Variants in BIN1 observed in about 807,000 individuals in gnomAD.
BIN1 encodes the protein bridging integrator 1.
BIN1 carries 53 observed loss-of-function variants against 82.0 expected under a neutral mutation model. That is an observed-to-expected ratio of 0.65 (90% CI 0.52 to 0.81). BIN1 has a LOEUF of 0.81. BIN1 is among the 40% of genes least tolerant of loss of function. The pLI is 0.00. For missense variants in BIN1, 642 were observed against 784.4 expected, an observed-to-expected ratio of 0.82 and a Z score of 2.17; for synonymous variants, 302 against 328.0, an observed-to-expected ratio of 0.92 and a Z score of 0.86.
chr2:127,053,453 C>T lies in BIN1; in HGVS notation c.1240-8G>A. The T allele has an allele frequency of 6.2e-7, 1 of 1,613,850 alleles. No individual in the cohort carries two copies. The highest frequency in any genetic ancestry group is 8.5e-7 in the Non-Finnish European group (1 of 1,179,854). On this transcript the variant is annotated splice_polypyrimidine_tract_variant and splice_region_variant and intron_variant, in intron 13 of 18. Transcript: ENST00000316724. ...GAGGTCCCATGGAATTGACTGAGCG[C>T]AGCAGTGAGGGCGAGAAGGACAGTT...
chr2:127,078,469 C>T (rs1686897869), intron 1 of BIN1, among the ~76,000 whole-genome samples: 1 of 152,150 alleles, frequency 6.6e-6, no homozygotes, highest in African/African-American at 2.4e-5. Context: ...GATGGAGCAT[C>T]TTACTGGGGA....
At chr2:127,087,159 A>C (rs6709337) in intron 1 of BIN1, among the ~76,000 whole-genome samples, 90,604 of 152,056 alleles carry the variant, frequency 0.6, 27,169 homozygotes, top group African/African-American at 0.64. Flanking sequence ...CAATGCTTTG[A>C]TGGTCAAAAA....
At chr2:127,051,370 C>T (rs1307074779) in intron 15 of BIN1, 127 bp from the exon 16 acceptor site, 1 of 922,144 alleles carries the variant, frequency 1.1e-6, no homozygotes, top group Non-Finnish European at 1.7e-6. Flanking sequence ...GCAGCAGGGT[C>T]TAGAGCTGCC....
chr2:127,074,384 C>G (rs1000416263), intron 2 of BIN1, among the ~76,000 whole-genome samples: 7 of 152,208 alleles, frequency 4.6e-5, no homozygotes, highest in African/African-American at 1.7e-4. Context: ...CCAGCCCTGG[C>G]CCCTGAAAAG....
intron 12 of BIN1, chr2:127,054,778 TG>T (rs1478125776): frequency 6.6e-6 from 1 of 152,446 alleles, no homozygotes; most frequent in Non-Finnish European, 1.5e-5. Flanking sequence ...GTGACAGGCA[TG>T]GCCCCAGGGA....
Position 127,048,438 on chromosome 2 carries a change from A to G in BIN1, c.*88T>C, listed in dbSNP as rs1682444581. Reference sequence around the variant, plus strand: ...ATTTCCCTTTGCTCTTCAAAAGATGAAAAACGAAAACAAAACAAAAAAAAG... The same window carrying G: ...ATTTCCCTTTGCTCTTCAAAAGATGGAAAACGAAAACAAAACAAAAAAAAG... On this transcript the variant is annotated 3_prime_UTR_variant, in exon 19 of 19. Transcript: ENST00000316724. The G allele has an allele frequency of 2.3e-6, 3 of 1,329,292 alleles. No homozygotes were observed. The South Asian group carries it at 3.5e-5, about 16-fold the overall frequency. 82.3% of individuals were successfully genotyped at this position (1,329,292 alleles called of 1,614,324 possible).
Position 127,068,262 on chromosome 2 carries a change from T to C in BIN1, c.520-7A>G, listed in dbSNP as rs1446785868. ...TCTCAAGCAGCGAGACAGGCTGGGG[T>C]GGGGAGGTCAAGGCAAAGGAAGGTG... On this transcript the variant is annotated splice_polypyrimidine_tract_variant and splice_region_variant and intron_variant, in intron 6 of 18. Transcript: ENST00000316724. This position sits in a 1 kb window ranked among gnomAD's most constrained non-coding sequence, Gnocchi z 4.9. 1 of 1,603,850 alleles carries C rather than the reference T, an allele frequency of 6.2e-7. No individual in the cohort carries two copies. Among genetic ancestry groups the C allele is most frequent in the Non-Finnish European group, 8.5e-7 (1 of 1,177,588 alleles).
chr2:127,051,348 A>G (rs1573534298), intron 15 of BIN1, 105 bp from the exon 16 acceptor site: 5 of 1,173,008 alleles, frequency 4.3e-6, no homozygotes, highest in Non-Finnish European at 5.0e-6. Flanking sequence ...GGCCGGGGGC[A>G]TCGCCTGGCT....
At chr2:127,071,678 A>G (rs1258865888) in intron 2 of BIN1, among the ~76,000 whole-genome samples, 1 of 152,200 alleles carries the variant, frequency 6.6e-6, no homozygotes, top group African/African-American at 2.4e-5. Flanking sequence ...GACCATGCTC[A>G]GTGAGCTGCA....
intron 8 of BIN1, 62 bp downstream of exon 8, chr2:127,063,871 G>C: frequency 6.3e-7 from 1 of 1,597,290 alleles, no homozygotes; most frequent in Non-Finnish European, 8.6e-7. Flanking sequence ...ACGCAGACTG[G>C]GCACCGCAGC....
At chr2:127,077,187 CAGGAGCCATCCCGGAACA>C (rs1275526207) in intron 1 of BIN1, among the ~76,000 whole-genome samples, 1 of 152,232 alleles carries the variant, frequency 6.6e-6, no homozygotes, top group African/African-American at 2.4e-5. Flanking sequence ...CCTGAACCGG[CAGGAGCCATCCCGGAACA>C]AGGAGGGCAG....
intron 17 of BIN1, 54 bp downstream of exon 17, chr2:127,050,748 C>A: frequency 1.3e-6 from 2 of 1,565,940 alleles, no homozygotes; most frequent in Non-Finnish European, 1.8e-6. Context: ...TCAGGGTTCT[C>A]ATCTGCCCAC....
At position 127,099,670 on chromosome 2, in the gene BIN1, C is replaced by T. The variant is rs540474030; in HGVS notation, c.84+7190G>A. 4.7e-3 allele frequency among the ~76,000 whole-genome samples: 711 copies of T among 151,642 alleles called. 4 individuals carry two copies. The highest frequency in any genetic ancestry group is 6.6e-3 in the Non-Finnish European group (446 of 67,900). On this transcript the variant is annotated intron_variant, in intron 1 of 18. Transcript: ENST00000316724. Reference sequence around the variant, plus strand: ...CTGGGATTACAGGCGCATGCCACTACACCCAGCTAATTTTTGTATTTTTAG... The same window carrying T: ...CTGGGATTACAGGCGCATGCCACTATACCCAGCTAATTTTTGTATTTTTAG...
intron 15 of BIN1, among the ~76,000 whole-genome samples, chr2:127,051,747 G>A (rs1391358749): frequency 6.6e-6 from 1 of 152,206 alleles, no homozygotes; most frequent in Non-Finnish European, 1.5e-5. Flanking sequence ...GAAGGGTGTG[G>A]CACAGAATGG....
chr2:127,084,203 C>T (rs1393297329), intron 1 of BIN1, among the ~76,000 whole-genome samples: 4 of 152,184 alleles, frequency 2.6e-5, no homozygotes, highest in Admixed American at 2.0e-4. Context: ...CCCTGGCGCA[C>T]CGTATGCGCA....
chr2:127,075,680 C>T (rs182383126), intron 2 of BIN1, among the ~76,000 whole-genome samples: 32 of 151,850 alleles, frequency 2.1e-4, no homozygotes, highest in Admixed American at 2.0e-3. Context: ...ATGCTCCCAG[C>T]CCTCCCAGCT....
Position 127,068,013 on chromosome 2 carries a change from C to T in BIN1, c.612+150G>A, listed in dbSNP as rs1685364408. On this transcript the variant is annotated intron_variant, in intron 7 of 18. Coordinates refer to ENST00000316724, the MANE Select transcript of BIN1 (RefSeq NM_139343.3). This position sits in a 1 kb window ranked among gnomAD's most constrained non-coding sequence, Gnocchi z 4.9. ...GACCCCTACATTTGACTTCAGGTCT[C>T]CTCTGAAGCAGAGCTCTCCCAGCAG... is the stretch of plus-strand genomic sequence containing the variant. The T allele has an allele frequency of 6.1e-6, 5 of 821,222 alleles. No individual in the cohort carries two copies. The Admixed American group carries it at 1.0e-4, about 17-fold the overall frequency. 50.9% of individuals were successfully genotyped at this position (821,222 alleles called of 1,614,324 possible).
intron 14 of BIN1, 135 bp downstream of exon 14, chr2:127,053,287 C>T (rs1373460560): frequency 2.2e-5 from 29 of 1,304,826 alleles, no homozygotes; most frequent in Middle Eastern, 1.9e-4. Context: ...TGCGTGAGCA[C>T]GTGCCTGTGT....
chr2:127,089,394 G>T (rs1041316722), intron 1 of BIN1, among the ~76,000 whole-genome samples: 2 of 152,218 alleles, frequency 1.3e-5, no homozygotes, highest in African/African-American at 2.4e-5. Flanking sequence ...GTGGGGCAGG[G>T]TGCCTGTTCA....
Sources: gnomAD v4.1 joint callset for allele counts (sites outside exome capture counted in the v4.1 genomes callset) on GRCh38, gnomAD v4.1.1 for gene constraint, Gnocchi (gnomAD v3.1) non-coding constraint, MANE v1.5 for transcripts, NCBI Gene and HGNC (gene_info 2026-07-23, HGNC 2026-07-21) for gene names.